The following RLF variants were observed in gnomAD, a reference collection of about 807,000 sequenced individuals.
RLF encodes the protein zinc finger protein Rlf.
A neutral mutation model predicts 162.9 loss-of-function variants in RLF; 7 were observed. That is an observed-to-expected ratio of 0.04 (90% confidence interval 0.02 to 0.08). RLF has a LOEUF of 0.08. Among genes scored for constraint, RLF ranks in the 10% least tolerant of loss-of-function variants. The probability of loss-of-function intolerance (pLI) is 1.00; values close to 1 mark genes in which losing one functional copy is unlikely to be tolerated. For missense variants in RLF, 1,664 were observed against 2,244.7 expected, an observed-to-expected ratio of 0.74 and a Z score of 5.23; for synonymous variants, 782 against 791.5, an observed-to-expected ratio of 0.99 and a Z score of 0.20.
Position 40,239,781 on chromosome 1 carries a change from T to A in RLF, c.5079T>A (p.Pro1693=), listed in dbSNP as rs1643267711. Reference sequence around the variant, plus strand: ...AGTGTAATATAGTTCAGCCTCCTCCTCCTTGTAAAATAGAAAATTCCATAC... The same window carrying A: ...AGTGTAATATAGTTCAGCCTCCTCCACCTTGTAAAATAGAAAATTCCATAC... The part of the protein sequence containing the change: ...LEQCNIVQPP[P]PCKIENSIPN... The change falls in exon 8 of 8, where the codon CCT becomes CCA. Residue 1693 remains proline (P), a synonymous_variant. Transcript: ENST00000372771. 1 of 1,614,050 alleles carries A rather than the reference T, an allele frequency of 6.2e-7. No individual in the cohort carries two copies. Among genetic ancestry groups the A allele is most frequent in the South Asian group, 1.1e-5 (1 of 91,088 alleles).
In RLF at chr1:40,238,397, G is replaced by A; in HGVS notation, c.3695G>A (p.Gly1232Glu). The A allele has an allele frequency of 1.2e-6, 2 of 1,614,150 alleles. No homozygotes were observed. The highest frequency in any genetic ancestry group is 1.7e-6 in the Non-Finnish European group (2 of 1,180,020). ...RLKGDCSAEL[G>E]GDPSSNSEKP... The stretch of plus-strand genomic sequence containing the variant: ...AAAGGTGATTGTTCTGCAGAACTTG[G>A]AGGTGATCCCAGTAGTAACTCTGAG... The change falls in exon 8 of 8, where the codon GGA becomes GAA. Residue 1232 changes from glycine to glutamate, a missense_variant. Around this residue, in one of 15 missense-constraint regions of RLF, gnomAD observed 102 missense variants for 109.5 expected, o/e 0.93. Transcript: ENST00000372771. The surrounding 1 kb of genome is among the most constrained non-coding windows in gnomAD (Gnocchi z 5.2).
At position 40,238,722 on chromosome 1, in the gene RLF, A is replaced by G; in HGVS notation, c.4020A>G (p.Glu1340=). 6.2e-7 allele frequency: 1 copy of G among 1,613,942 alleles called. No homozygotes were observed. The highest frequency in any genetic ancestry group is 8.5e-7 in the Non-Finnish European group (1 of 1,179,862). ...GAACTGTACATCAGTACAACAAAGAACAGTTATGTTTGGAGAAAGACAAAG... is the reference window on the plus strand; with the variant it reads ...GAACTGTACATCAGTACAACAAAGAGCAGTTATGTTTGGAGAAAGACAAAG... ...HYRTVHQYNK[E]QLCLEKDKAR... Residue 1340 remains glutamate (E), a synonymous_variant, in exon 8 of 8, where the codon GAA becomes GAG. Coordinates refer to ENST00000372771, the MANE Select transcript of RLF (RefSeq NM_012421.4). This position sits in a 1 kb window ranked among gnomAD's most constrained non-coding sequence, Gnocchi z 5.2.
At chr1:40,194,050 CAT>C (rs1642596311) in intron 3 of RLF, among the ~76,000 whole-genome samples, 1 of 152,138 alleles carries the variant, frequency 6.6e-6, no homozygotes, top group African/African-American at 2.4e-5. Context: ...GACAGTGAAA[CAT>C]ATACGTAATC....
rs765409701 is a variant in RLF at position 40,236,051 on chromosome 1, C to A, written c.1349C>A (p.Ser450Tyr). 6.2e-7 allele frequency: 1 copy of A among 1,613,882 alleles called. No individual in the cohort carries two copies. The highest frequency in any genetic ancestry group is 8.5e-7 in the Non-Finnish European group (1 of 1,179,964). ...FDEENAPVPN[S>Y]LRCELLLALK... ...GAAGAAAATGCACCGGTTCCAAATT[C>A]TCTTCGATGTGAGCTCTTACTAGCT... is the stretch of plus-strand genomic sequence containing the variant. The change falls in exon 8 of 8, where the codon TCT (serine) becomes TAT (tyrosine). Residue 450 changes from serine (S) to tyrosine (Y), a missense_variant. By Grantham distance (144) the Ser-to-Tyr change is moderately radical (BLOSUM62 -2). Transcript: ENST00000372771. The surrounding 1 kb of genome is among the most constrained non-coding windows in gnomAD (Gnocchi z 7.7).
chr1:40,206,565 T>C (rs1642797073), intron 5 of RLF, among the ~76,000 whole-genome samples: 1 of 152,184 alleles, frequency 6.6e-6, no homozygotes, highest in Non-Finnish European at 1.5e-5. Context: ...CAGAATAATC[T>C]CTCTAAAACT....
chr1:40,206,629 C>T (rs1642798351), intron 5 of RLF, among the ~76,000 whole-genome samples: 1 of 152,312 alleles, frequency 6.6e-6, no homozygotes, highest in African/African-American at 2.4e-5. Flanking sequence ...TTCCATCTTA[C>T]TCAGAATACA....
chr1:40,163,409 G>T (rs935085994), intron 1 of RLF, among the ~76,000 whole-genome samples: 1 of 152,188 alleles, frequency 6.6e-6, no homozygotes, highest in African/African-American at 2.4e-5. Flanking sequence ...TGACAAGAAT[G>T]AATGTAACCA....
intron 1 of RLF, among the ~76,000 whole-genome samples, chr1:40,179,821 G>T (rs1291409958): frequency 6.6e-6 from 1 of 151,848 alleles, no homozygotes; most frequent in African/African-American, 2.4e-5. Flanking sequence ...CTACTCTTAG[G>T]TACCTCATAT....
At position 40,222,506 on chromosome 1, in the gene RLF, C is replaced by T. The variant is rs1307519175; in HGVS notation, c.811-68C>T. The T allele has an allele frequency of 5.9e-6, 9 of 1,526,824 alleles. No homozygotes were observed. In the Admixed American group the frequency reaches 1.7e-4, roughly 28 times the overall value. 94.6% of individuals were successfully genotyped at this position (1,526,824 alleles called of 1,614,324 possible). A position where few individuals can be genotyped will look rare whatever the true frequency, so the allele number is the denominator to read the frequency against. ...ATTTTTGCCTCATTAAGAAGTTTCA[C>T]CTTATATAACAAAGTTTACTGAAAA... is the stretch of plus-strand genomic sequence containing the variant. On this transcript the variant is annotated intron_variant, in intron 5 of 7. Coordinates refer to ENST00000372771, the MANE Select transcript of RLF (RefSeq NM_012421.4).
intron 6 of RLF, among the ~76,000 whole-genome samples, chr1:40,227,497 T>C (rs1213092216): frequency 6.6e-6 from 1 of 152,210 alleles, no homozygotes; most frequent in Non-Finnish European, 1.5e-5. Context: ...TGCATCCTCA[T>C]GAGTAACATA....
rs574105287 is a variant in RLF at position 40,225,167 on chromosome 1, TTAAAA to T, written c.947+2460_947+2464del. 1.8e-4 allele frequency among the ~76,000 whole-genome samples: 28 copies of T among 152,284 alleles called. No individual in the cohort carries two copies. The East Asian group carries it at 5.0e-3, about 27-fold the overall frequency. ...GTATTTTTTAAATGTGACAATAAAGTTAAAATACAATAATAAAAGTAGTCATGCTT... is the reference window on the plus strand; with the variant it reads ...GTATTTTTTAAATGTGACAATAAAGTTACAATAATAAAAGTAGTCATGCTT... On this transcript the variant is annotated intron_variant, in intron 6 of 7. Coordinates refer to ENST00000372771, the MANE Select transcript of RLF (RefSeq NM_012421.4).
intron 4 of RLF, among the ~76,000 whole-genome samples, chr1:40,202,081 C>A (rs1642726001): frequency 6.6e-6 from 1 of 152,034 alleles, no homozygotes; most frequent in Non-Finnish European, 1.5e-5. Context: ...ATAATACTTG[C>A]CTTGGTGGTG....
chr1:40,235,733 A>C, intron 7 of RLF, 59 bp from the exon 8 acceptor site: 1 of 1,252,562 alleles, frequency 8.0e-7, no homozygotes, highest in South Asian at 1.8e-5. Context: ...TTATCAGTGA[A>C]AGTTATATAA....
intron 6 of RLF, among the ~76,000 whole-genome samples, chr1:40,230,425 TTTTG>T (rs1031857596): frequency 3.3e-5 from 5 of 152,124 alleles, no homozygotes; most frequent in South Asian, 2.1e-4. Flanking sequence ...TTAGTGTTTT[TTTTG>T]TTTGTTTGTT....
At chr1:40,229,094 A>G (rs1643119527) in intron 6 of RLF, among the ~76,000 whole-genome samples, 1 of 152,154 alleles carries the variant, frequency 6.6e-6, no homozygotes, top group South Asian at 2.1e-4. Flanking sequence ...CCTGCAGTAA[A>G]TTTTAGATAG....
At chr1:40,234,035 G>A (rs1643186911) in intron 7 of RLF, among the ~76,000 whole-genome samples, 1 of 152,138 alleles carries the variant, frequency 6.6e-6, no homozygotes, top group Non-Finnish European at 1.5e-5. Flanking sequence ...TGCAACCTCC[G>A]CTTCCCAGGT....
At chr1:40,203,721 A>G (rs1012284293) in intron 5 of RLF, among the ~76,000 whole-genome samples, 3 of 152,148 alleles carry the variant, frequency 2.0e-5, no homozygotes, top group African/African-American at 7.2e-5. Flanking sequence ...CTTATCTGCC[A>G]TTCAATTCTG....
chr1:40,232,005 C>T (rs147791511), intron 7 of RLF, among the ~76,000 whole-genome samples: 2 of 151,962 alleles, frequency 1.3e-5, no homozygotes, highest in Admixed American at 6.6e-5. Flanking sequence ...CTCAGGAGTT[C>T]GAGACCAGCC....
intron 1 of RLF, among the ~76,000 whole-genome samples, chr1:40,185,226 G>A (rs193195783): frequency 1.0e-3 from 153 of 151,926 alleles, no homozygotes; most frequent in African/African-American, 3.6e-3. Flanking sequence ...CTCTAGCCGG[G>A]TTCAAGCAAT....
Sources: gnomAD v4.1 joint callset for allele counts (sites outside exome capture counted in the v4.1 genomes callset) on GRCh38, gnomAD v4.1.1 for gene constraint, gnomAD v4.1.1 regional missense constraint, Gnocchi (gnomAD v3.1) non-coding constraint, MANE v1.5 for transcripts, NCBI Gene and HGNC (gene_info 2026-07-23, HGNC 2026-07-21) for gene names.